Variants in STUM observed in about 807,000 individuals in gnomAD.
STUM encodes stum, mechanosensory transduction mediator homolog.
STUM carries 8 observed loss-of-function variants against 15.3 expected under a neutral mutation model. The ratio of observed to expected loss-of-function variants is 0.52; its 90% CI spans 0.31 to 0.94. STUM has a LOEUF of 0.94. Among genes scored for constraint, STUM ranks in the 40% least tolerant of loss-of-function variants. The probability of loss-of-function intolerance (pLI) is 0.05; values close to 1 mark genes in which losing one functional copy is unlikely to be tolerated. For missense variants in STUM, 142 were observed against 204.9 expected (o/e 0.69, Z 1.87); for synonymous variants, 78 against 88.7 (o/e 0.88, Z 0.68).
At chr1:226,556,610 T>A (rs1265351297) in intron 1 of STUM, among the ~76,000 whole-genome samples, 1 of 152,136 alleles carries the variant, frequency 6.6e-6, no homozygotes, top group Non-Finnish European at 1.5e-5. Context: ...AAAAGGGAGA[T>A]GAACTAGAAG....
chr1:226,556,572 T>C (rs1461363371), intron 1 of STUM, among the ~76,000 whole-genome samples: 1 of 152,068 alleles, frequency 6.6e-6, no homozygotes, highest in Non-Finnish European at 1.5e-5. Context: ...AGTTCAACAT[T>C]AGGTTCATGA....
rs373700000 is a variant in STUM at position 226,600,693 on chromosome 1, G to A, written c.391+19G>A. On this transcript the variant is annotated intron_variant, in intron 3 of 3. Transcript: ENST00000366788. This position sits in a 1 kb window ranked among gnomAD's most constrained non-coding sequence, Gnocchi z 5.2. Reference sequence around the variant, plus strand: ...TCCCAAGGTGAGTCTGCGGATGGACGTGCGGGCCTCGTGCTGCTGCTTGGG... The same window carrying A: ...TCCCAAGGTGAGTCTGCGGATGGACATGCGGGCCTCGTGCTGCTGCTTGGG... 15 of 1,610,106 alleles carry A rather than the reference G, an allele frequency of 9.3e-6. No homozygotes were observed. The highest frequency in any genetic ancestry group is 1.7e-4 in the Middle Eastern group (1 of 6,060).
chr1:226,583,950 C>G (rs1355011017), intron 1 of STUM, among the ~76,000 whole-genome samples: 2 of 152,164 alleles, frequency 1.3e-5, no homozygotes, highest in African/African-American at 2.4e-5. Flanking sequence ...TGCCCAGTGA[C>G]ACTCTTGTTC....
At chr1:226,588,214 C>T (rs1295548736) in intron 1 of STUM, among the ~76,000 whole-genome samples, 2 of 152,206 alleles carry the variant, frequency 1.3e-5, no homozygotes, top group African/African-American at 4.8e-5. Context: ...CTACAAAACA[C>T]TTTCTAGGGG....
intron 1 of STUM, among the ~76,000 whole-genome samples, chr1:226,582,945 A>G (rs1214923903): frequency 2.0e-5 from 3 of 152,166 alleles, no homozygotes; most frequent in Non-Finnish European, 2.9e-5. Context: ...GGAGTTCACA[A>G]TTCTGTGGGC....
chr1:226,599,832 A>G (rs837443), intron 2 of STUM, among the ~76,000 whole-genome samples: 2,457 of 152,330 alleles, frequency 0.016, 63 homozygotes, highest in South Asian at 0.1. Context: ...CAATCATGAC[A>G]CTTTCTGGTG....
intron 1 of STUM, among the ~76,000 whole-genome samples, chr1:226,562,474 GAAAA>G (rs58206352): frequency 9.2e-6 from 1 of 108,612 alleles, no homozygotes. Flanking sequence ...GACTCCTTCT[GAAAA>G]AAAAAAAAAA....
At chr1:226,577,919 T>G (rs1467292959) in intron 1 of STUM, among the ~76,000 whole-genome samples, 1 of 152,156 alleles carries the variant, frequency 6.6e-6, no homozygotes, top group Non-Finnish European at 1.5e-5. Context: ...CTTCCACCAC[T>G]AGCCCAGGCA....
In STUM at chr1:226,580,687, T is replaced by G. The variant is rs537007443; in HGVS notation, c.203-16115T>G. On this transcript the variant is annotated intron_variant, in intron 1 of 3. Transcript: ENST00000366788. ...GGGTCAAGGGCTGCTCTTGCCCCAC[T>G]GCTCCCCATGCTGCCCCCTCACAGC... Among the ~76,000 whole-genome samples the G allele has an allele frequency of 2.0e-4, 31 of 152,290 alleles. No individual in the cohort carries two copies. In the East Asian group the frequency reaches 2.9e-3, roughly 14 times the overall value.
Position 226,601,316 on chromosome 1 carries a change from G to A in STUM, c.391+642G>A, listed in dbSNP as rs185948045. On this transcript the variant is annotated intron_variant, in intron 3 of 3. Coordinates refer to ENST00000366788, the MANE Select transcript of STUM (RefSeq NM_001003665.4). ...TAATTTTTTGTATTCTTAGTAAGACGGGATTTCACTGTGTTAGCCAGGATG... is the reference window on the plus strand; with the variant it reads ...TAATTTTTTGTATTCTTAGTAAGACAGGATTTCACTGTGTTAGCCAGGATG... Among the ~76,000 whole-genome samples, 1,436 of 152,200 alleles carry A rather than the reference G, an allele frequency of 9.4e-3. 19 individuals are homozygous for A. Among genetic ancestry groups the A allele is most frequent in the Admixed American group, 0.01 (160 of 15,296 alleles).
At chr1:226,573,073 A>G (rs655682) in intron 1 of STUM, among the ~76,000 whole-genome samples, 105,097 of 152,098 alleles carry the variant, frequency 0.69, 37,409 homozygotes, top group African/African-American at 0.86. Context: ...TGTTGTTTTC[A>G]TCCAACTTTC....
At chr1:226,574,979 A>G (rs925002467) in intron 1 of STUM, among the ~76,000 whole-genome samples, 3 of 152,198 alleles carry the variant, frequency 2.0e-5, no homozygotes, top group African/African-American at 7.2e-5. Context: ...GGCTGGGGTC[A>G]TATGTCTGGG....
chr1:226,574,933 A>C (rs1667782761), intron 1 of STUM, among the ~76,000 whole-genome samples: 1 of 152,200 alleles, frequency 6.6e-6, no homozygotes, highest in Non-Finnish European at 1.5e-5. Context: ...GGGAACAAGC[A>C]AACCGCAGGT....
chr1:226,568,956 GCAAGGGGACCTTGCTGTGCCCACACA>G (rs6143655), intron 1 of STUM, among the ~76,000 whole-genome samples: 6 of 150,662 alleles, frequency 4.0e-5, no homozygotes, highest in African/African-American at 7.4e-5. Context: ...AGGGTCCCTA[GCAAGGGGACCTTGCTGTGCCCACACA>G]CAAGGGGACC....
intron 1 of STUM, among the ~76,000 whole-genome samples, chr1:226,575,254 C>T (rs531845406): frequency 6.6e-6 from 1 of 152,390 alleles, no homozygotes; most frequent in East Asian, 1.9e-4. Flanking sequence ...GCCAGGACAG[C>T]AGAAGCCCTC....
chr1:226,608,079 C>T lies in STUM; in HGVS notation c.*6039C>T, dbSNP rs998831860. 3.9e-5 allele frequency: 6 copies of T among 152,332 alleles called. No individual in the cohort carries two copies. Among genetic ancestry groups the T allele is most frequent in the African/African-American group, 2.4e-5 (1 of 41,452 alleles). The allele number at this position is 152,332 out of a possible 1,614,324, so 9.4% of individuals were successfully genotyped here. A position where few individuals can be genotyped will look rare whatever the true frequency, so the allele number is the denominator to read the frequency against. ...CTCCAGGGCCCTAGCCTGTGGATCTCTTCCTCCCATGCACTCCTAGGGTGA... is the reference window on the plus strand; with the variant it reads ...CTCCAGGGCCCTAGCCTGTGGATCTTTTCCTCCCATGCACTCCTAGGGTGA... On this transcript the variant is annotated 3_prime_UTR_variant, in exon 4 of 4. Transcript: ENST00000366788. The surrounding 1 kb of genome is among the most constrained non-coding windows in gnomAD (Gnocchi z 4.0).
intron 1 of STUM, among the ~76,000 whole-genome samples, chr1:226,594,496 T>C (rs1668139602): frequency 6.6e-6 from 1 of 152,230 alleles, no homozygotes; most frequent in Admixed American, 6.5e-5. Flanking sequence ...ACAGGCCATC[T>C]ACACCTGGGA....
chr1:226,596,482 C>G (rs557105180), intron 1 of STUM, among the ~76,000 whole-genome samples: 87 of 152,326 alleles, frequency 5.7e-4, no homozygotes, highest in African/African-American at 2.0e-3. Context: ...TTGCAAGTGG[C>G]TTCCTGATTG....
chr1:226,559,102 A>G (rs1363689631), intron 1 of STUM, among the ~76,000 whole-genome samples: 3 of 152,220 alleles, frequency 2.0e-5, no homozygotes, highest in Non-Finnish European at 4.4e-5. Context: ...TTTCTTGAAA[A>G]TAGTAAAATG....
Sources: gnomAD v4.1 joint callset for allele counts (sites outside exome capture counted in the v4.1 genomes callset) on GRCh38, gnomAD v4.1.1 for gene constraint, Gnocchi (gnomAD v3.1) non-coding constraint, MANE v1.5 for transcripts, NCBI Gene and HGNC (gene_info 2026-07-23, HGNC 2026-07-21) for gene names.